The following ATP8A2 variants were observed in gnomAD, a reference collection of about 807,000 sequenced individuals.
ATP8A2 encodes the protein ATPase phospholipid transporting 8A2, also known as phospholipid-transporting ATPase IB.
In ATP8A2, 100 loss-of-function variants were observed where a neutral mutation model predicts 165.6. The ratio of observed to expected loss-of-function variants is 0.60; its 90% CI spans 0.51 to 0.71. The LOEUF (loss-of-function observed/expected upper bound fraction) is 0.71, where lower values mean the gene tolerates loss of function less well. Ranked by LOEUF, ATP8A2 falls within the 30% of genes least tolerant of loss-of-function variation. The probability of loss-of-function intolerance (pLI) is 0.00; values close to 1 mark genes in which losing one functional copy is unlikely to be tolerated. For missense variants in ATP8A2, 1,227 were observed against 1,479.5 expected, an observed-to-expected ratio of 0.83 and a Z score of 2.80; for synonymous variants, 543 against 548.8, an observed-to-expected ratio of 0.99 and a Z score of 0.15.
chr13:25,684,754 CTT>C (rs11324437), intron 24 of ATP8A2, among the ~76,000 whole-genome samples: 1 of 151,804 alleles, frequency 6.6e-6, no homozygotes, highest in African/African-American at 2.4e-5. Flanking sequence ...AGCCACTTCT[CTT>C]TTTTTTTGTT....
chr13:25,582,111 A>C (rs1277085418), intron 23 of ATP8A2, among the ~76,000 whole-genome samples, 154 bp downstream of exon 23: 1 of 152,214 alleles, frequency 6.6e-6, no homozygotes, highest in Admixed American at 6.5e-5. Context: ...ACCTAAATCA[A>C]ATGAAGATGC....
rs188062223 is a variant in ATP8A2, at chr13:25,849,626, G to A, written c.2956+10002G>A. The stretch of plus-strand genomic sequence containing the variant: ...TTTCGGGCTGTTACTACTAATGTTG[G>A]AGAGCTCATGTGGTTTTGTCCCAGA... On this transcript the variant is annotated intron_variant, in intron 30 of 36. Transcript: ENST00000381655. Among the ~76,000 whole-genome samples the A allele has an allele frequency of 9.9e-5, 15 of 152,276 alleles. No homozygotes were observed. The East Asian group carries it at 2.7e-3, about 27-fold the overall frequency.
intron 24 of ATP8A2, among the ~76,000 whole-genome samples, chr13:25,690,636 A>G (rs1382230909): frequency 1.3e-5 from 2 of 152,188 alleles, no homozygotes; most frequent in African/African-American, 4.8e-5. Flanking sequence ...AATACTACGC[A>G]CCCACTGGAA....
At chr13:25,879,963 G>A (rs1952929710) in intron 33 of ATP8A2, among the ~76,000 whole-genome samples, 1 of 152,138 alleles carries the variant, frequency 6.6e-6, no homozygotes. Context: ...CACAGACAAA[G>A]CAAGAGTTTT....
At chr13:25,834,294 A>G (rs1189091464) in intron 28 of ATP8A2, among the ~76,000 whole-genome samples, 3 of 152,220 alleles carry the variant, frequency 2.0e-5, no homozygotes, top group East Asian at 1.9e-4. Context: ...CGAAAAATCT[A>G]TGATTTTCTT....
rs1409884929 is a variant in ATP8A2, at chr13:25,372,656, C to G, written c.76+368C>G. 6.6e-6 allele frequency among the ~76,000 whole-genome samples: 1 copy of G among 152,154 alleles called. No homozygotes were observed. The highest frequency in any genetic ancestry group is 1.9e-4 in the East Asian group (1 of 5,170). On this transcript the variant is annotated intron_variant, in intron 1 of 36. Coordinates refer to ENST00000381655, the MANE Select transcript of ATP8A2 (RefSeq NM_016529.6). The surrounding 1 kb of genome is among the most constrained non-coding windows in gnomAD (Gnocchi z 4.8). Reference sequence around the variant, plus strand: ...GCGGCAGTCACCGCGATGGTGGGCACGGTTTGGCGGCGCAGAGAAGATGCA... The same window carrying G: ...GCGGCAGTCACCGCGATGGTGGGCAGGGTTTGGCGGCGCAGAGAAGATGCA...
chr13:25,866,911 G>C (rs1218666916), intron 33 of ATP8A2, among the ~76,000 whole-genome samples: 1 of 152,170 alleles, frequency 6.6e-6, no homozygotes, highest in South Asian at 2.1e-4. Context: ...TGGTGACGGT[G>C]ACCACCGTAA....
In ATP8A2 at chr13:25,968,689, T is replaced by C. The variant is rs1955842954; in HGVS notation, c.3377+10T>C. 1 of 1,599,510 alleles carries C rather than the reference T, an allele frequency of 6.3e-7. No individual in the cohort carries two copies. Among genetic ancestry groups the C allele is most frequent in the African/African-American group, 1.3e-5 (1 of 74,724 alleles). ...ATAGCAATGGAAAGAGGTGGGGAACTCCGTCCCAGTCCGCACAGAACACAG... is the reference window on the plus strand; with the variant it reads ...ATAGCAATGGAAAGAGGTGGGGAACCCCGTCCCAGTCCGCACAGAACACAG... On this transcript the variant is annotated intron_variant, in intron 35 of 36. Coordinates refer to ENST00000381655, the MANE Select transcript of ATP8A2 (RefSeq NM_016529.6).
chr13:25,964,865 G>A (rs1955743272), intron 34 of ATP8A2, among the ~76,000 whole-genome samples: 2 of 152,150 alleles, frequency 1.3e-5, no homozygotes, highest in Admixed American at 1.3e-4. Context: ...ACTCTCTTTT[G>A]AAAGGGCTTT....
chr13:25,528,767 TGTGTATGCACACATATGCAACA>T (rs1566224628), intron 2 of ATP8A2, among the ~76,000 whole-genome samples: 17 of 82,142 alleles, frequency 2.1e-4, no homozygotes, highest in African/African-American at 5.4e-4. Flanking sequence ...ATATGCAACA[TGTGTATGCACACATATGCAACA>T]TGTGTATGCA....
chr13:26,013,277 C>T (rs1323624097), intron 36 of ATP8A2, among the ~76,000 whole-genome samples: 1 of 152,196 alleles, frequency 6.6e-6, no homozygotes, highest in Non-Finnish European at 1.5e-5. Flanking sequence ...TTCCCCAGCC[C>T]CCTCTCCACC....
intron 1 of ATP8A2, among the ~76,000 whole-genome samples, chr13:25,405,845 G>T (rs1179008086): frequency 1.3e-5 from 2 of 152,188 alleles, no homozygotes; most frequent in African/African-American, 4.8e-5. Flanking sequence ...GGGGGAAATG[G>T]AAAAAGCGAT....
intron 33 of ATP8A2, among the ~76,000 whole-genome samples, chr13:25,949,654 T>C (rs934250684): frequency 6.6e-6 from 1 of 152,284 alleles, no homozygotes; most frequent in East Asian, 1.9e-4. Flanking sequence ...CAGCAAGGAT[T>C]GAGGCTGGGC....
intron 1 of ATP8A2, among the ~76,000 whole-genome samples, chr13:25,393,329 A>C (rs966706289): frequency 2.6e-5 from 4 of 151,810 alleles, no homozygotes; most frequent in Non-Finnish European, 4.4e-5. Context: ...ATGGGATCTC[A>C]CTATGTTGCC....
intron 33 of ATP8A2, among the ~76,000 whole-genome samples, chr13:25,921,484 G>A (rs1189805210): frequency 1.3e-5 from 2 of 151,638 alleles, no homozygotes; most frequent in Admixed American, 6.6e-5. Context: ...ATAGCCAGGT[G>A]TGGTGGCGGG....
At chr13:25,807,632 G>A (rs1477666296) in intron 27 of ATP8A2, among the ~76,000 whole-genome samples, 1 of 152,170 alleles carries the variant, frequency 6.6e-6, no homozygotes, top group Non-Finnish European at 1.5e-5. Flanking sequence ...CTAAATCTTT[G>A]TGAAAAATAG....
chr13:25,606,481 A>G (rs183619575), intron 24 of ATP8A2, among the ~76,000 whole-genome samples: 3 of 152,318 alleles, frequency 2.0e-5, no homozygotes, highest in African/African-American at 4.8e-5. Context: ...TCTGCTTTCA[A>G]TAGGGAAGTT....
intron 6 of ATP8A2, among the ~76,000 whole-genome samples, chr13:25,537,436 T>G (rs1360934923): frequency 6.6e-6 from 1 of 152,186 alleles, no homozygotes; most frequent in Non-Finnish European, 1.5e-5. Flanking sequence ...AGAGAAAAAT[T>G]TATAAAACAG....
At position 25,951,469 on chromosome 13, in the gene ATP8A2, G is replaced by A. The variant is rs531471638; in HGVS notation, c.3184-10106G>A. 3.3e-5 allele frequency among the ~76,000 whole-genome samples: 5 copies of A among 152,342 alleles called. 1 individual carries two copies. In the East Asian group the frequency reaches 9.6e-4, roughly 29 times the overall value. On this transcript the variant is annotated intron_variant, in intron 33 of 36. Transcript: ENST00000381655. ...GCTATAGTGATAGCAGGCAGGGCAGGAACTGCCTATTGAGGGTGGAGATTG... is the reference window on the plus strand; with the variant it reads ...GCTATAGTGATAGCAGGCAGGGCAGAAACTGCCTATTGAGGGTGGAGATTG...
Sources: gnomAD v4.1 joint callset for allele counts (sites outside exome capture counted in the v4.1 genomes callset) on GRCh38, gnomAD v4.1.1 for gene constraint, Gnocchi (gnomAD v3.1) non-coding constraint, MANE v1.5 for transcripts, NCBI Gene and HGNC (gene_info 2026-07-23, HGNC 2026-07-21) for gene names.